Variants in TCEAL4 observed in about 807,000 individuals in gnomAD.
The protein encoded by TCEAL4 is transcription elongation factor A protein-like 4.
A neutral mutation model predicts 1.3 loss-of-function variants in TCEAL4; 1 was observed. The observed-to-expected ratio is 0.79, with a 90% CI of 0.28 to 3.76. The LOEUF is 3.76. Ranked by LOEUF, TCEAL4 falls within the 30% of genes most tolerant of loss-of-function variation. TCEAL4 has a pLI of 0.18. For missense variants in TCEAL4, 129 were observed against 154.7 expected (o/e 0.83, Z 0.88); for synonymous variants, 54 against 50.7 (o/e 1.06, Z -0.28).
At position 103,587,149 on chromosome X, in the gene TCEAL4, A is replaced by T; in HGVS notation, c.474A>T (p.Glu158Asp). 1 of 1,211,321 alleles carries T rather than the reference A, an allele frequency of 8.3e-7. No homozygotes were observed. The highest frequency in any genetic ancestry group is 1.1e-6 in the Non-Finnish European group (1 of 895,403). The change falls in exon 3 of 3, where the codon GAA becomes GAT. Residue 158 changes from glutamate to aspartate, a missense_variant. Glu to Asp is a conservative substitution (Grantham distance 45, BLOSUM62 2). Coordinates refer to ENST00000472484, the MANE Select transcript of TCEAL4 (RefSeq NM_001006935.3). The stretch of plus-strand genomic sequence containing the variant: ...TCAGCAATGAGGACATGATAAGAGA[A>T]TTTGACAATATGGCTAAGGTGCAGG... Reference protein sequence around the residue: ...MNFSNEDMIREFDNMAKVQDE... With the variant: ...MNFSNEDMIRDFDNMAKVQDE...
At chrX:103,578,718 C>T (rs1254436653) in intron 2 of TCEAL4, among the ~76,000 whole-genome samples, 1 of 111,640 alleles carries the variant, frequency 9.0e-6, no homozygotes, top group African/African-American at 3.2e-5. Flanking sequence ...TAAGTATTCT[C>T]TATGTATTAT....
upstream of TCEAL4, among the ~76,000 whole-genome samples, chrX:103,580,575 G>A (rs918913710): frequency 1.8e-5 from 2 of 110,899 alleles, no homozygotes; most frequent in African/African-American, 6.6e-5. Flanking sequence ...TCCCACCTCA[G>A]CCTCCCAAGT....
At chrX:103,585,450 A>G, upstream of TCEAL4, 12 of 1,076,575 alleles carry the variant, frequency 1.1e-5, no homozygotes, top group Non-Finnish European at 1.5e-5. Context: ...GGTGGCTGGA[A>G]GCGGCTGGCT....
rs187636747 is a variant in TCEAL4 at position 103,586,288 on chromosome X, G to T, written c.-31G>T. On this transcript the variant is annotated 5_prime_UTR_variant, in exon 2 of 3. Coordinates refer to ENST00000472484, the MANE Select transcript of TCEAL4 (RefSeq NM_001006935.3). ...GAGGAGCAACCTGTCCAGAATCCCC[G>T]CAGGTCCGTGAAAGTACGGGGCTGC... 6.3e-4 allele frequency: 734 copies of T among 1,165,259 alleles called. 5 individuals are homozygous for T. The East Asian group carries it at 0.02, about 32-fold the overall frequency.
At chrX:103,581,319 C>T (rs2073506991), upstream of TCEAL4, among the ~76,000 whole-genome samples, 1 of 111,362 alleles carries the variant, frequency 9.0e-6, no homozygotes, top group Admixed American at 9.5e-5. Context: ...GTACAAAGAA[C>T]AGCTGGGATA....
rs778993256 is a variant in TCEAL4 at position 103,587,025 on chromosome X, C to T, written c.350C>T (p.Pro117Leu). 2 of 1,208,597 alleles carry T rather than the reference C, an allele frequency of 1.7e-6. No homozygotes were observed. Among genetic ancestry groups the T allele is most frequent in the East Asian group, 3.0e-5 (1 of 33,688 alleles). ...GSETRAAGKR[P>L]AEDDVPRKAK... ...GAAACAAGGGCTGCAGGAAAGCGCC[C>T]AGCTGAGGATGATGTACCCAGGAAA... Residue 117 changes from proline to leucine, a missense_variant, in exon 3 of 3, where the codon CCA becomes CTA. Around this residue, in one of 2 missense-constraint regions of TCEAL4, gnomAD observed 116 missense variants for 120.3 expected, o/e 0.96. Transcript: ENST00000472484.
upstream of TCEAL4, chrX:103,585,402 C>T: frequency 3.2e-6 from 3 of 934,206 alleles, no homozygotes; most frequent in Non-Finnish European, 4.2e-6. Flanking sequence ...GACAAAAGGG[C>T]CCAGGGAGGT....
At chrX:103,586,034 C>G (rs2073541967) in intron 1 of TCEAL4, 185 bp from the exon 2 acceptor site, 1 of 1,080,814 alleles carries the variant, frequency 9.3e-7, no homozygotes, top group Non-Finnish European at 1.2e-6. Context: ...CACAGAGACC[C>G]AAAATTAGTT....
rs62621172 is a variant in TCEAL4, at chrX:103,586,652, A to T, written c.-24A>T. The T allele has an allele frequency of 5.8e-6, 7 of 1,204,655 alleles. No individual in the cohort carries two copies. The African/African-American group carries it at 1.1e-4, about 18-fold the overall frequency. On this transcript the variant is annotated 5_prime_UTR_variant, in exon 3 of 3. Transcript: ENST00000472484. ...TTCCTCCACCCCCATCCCCCAGGAC[A>T]GGAAAAGGAGGGGAAATCTCGACAT...
intron 2 of TCEAL4, among the ~76,000 whole-genome samples, chrX:103,577,781 A>G (rs2073490979): frequency 1.8e-5 from 2 of 112,102 alleles, no homozygotes; most frequent in South Asian, 7.4e-4. Flanking sequence ...TGCATATATA[A>G]TACTTTGAAA....
upstream of TCEAL4, among the ~76,000 whole-genome samples, chrX:103,583,434 T>C (rs1219131811): frequency 8.9e-6 from 1 of 111,750 alleles, no homozygotes; most frequent in African/African-American, 3.3e-5. Flanking sequence ...GCAGCACTAA[T>C]CACAATAGCA....
chrX:103,587,227 A>G lies in TCEAL4; in HGVS notation c.552A>G (p.Arg184=), dbSNP rs375153902. 5.5e-5 allele frequency: 67 copies of G among 1,208,966 alleles called. No homozygotes were observed. The African/African-American group carries it at 9.8e-4, about 18-fold the overall frequency. The change falls in exon 3 of 3, where the codon AGA becomes AGG. Residue 184 remains arginine (R), a synonymous_variant. Transcript: ENST00000472484. ...QKLGAFLWMQ[R]NLQDPFYPRG... is the part of the protein sequence containing the mutation. ...TGGGGGCGTTTTTGTGGATGCAAAG[A>G]AATTTACAGGACCCCTTCTACCCTA... is the stretch of plus-strand genomic sequence containing the variant.
At chrX:103,581,922 G>A (rs2073510124), upstream of TCEAL4, among the ~76,000 whole-genome samples, 2 of 111,364 alleles carry the variant, frequency 1.8e-5, no homozygotes, top group Non-Finnish European at 3.8e-5. Context: ...AAGAAATAAA[G>A]GGTATTCTAA....
At chrX:103,581,228 G>A (rs923320576), upstream of TCEAL4, among the ~76,000 whole-genome samples, 1 of 111,284 alleles carries the variant, frequency 9.0e-6, no homozygotes. Context: ...TGAAATTGAG[G>A]TAGTAATAAA....
At chrX:103,577,549 T>C (rs1041218560) in intron 2 of TCEAL4, among the ~76,000 whole-genome samples, 1 of 111,990 alleles carries the variant, frequency 8.9e-6, no homozygotes, top group African/African-American at 3.2e-5. Flanking sequence ...ACATTATATG[T>C]ATGTTTGATT....
At chrX:103,580,067 G>A (rs768094979) in intron 2 of TCEAL4, among the ~76,000 whole-genome samples, 3 of 111,756 alleles carry the variant, frequency 2.7e-5, no homozygotes, top group Admixed American at 1.9e-4. Context: ...GAAATAGCAC[G>A]CCAGATAAGA....
rs2073532302 is a variant in TCEAL4 at position 103,585,534 on chromosome X, C to T, written c.-191C>T. 2 of 1,152,602 alleles carry T rather than the reference C, an allele frequency of 1.7e-6. No individual in the cohort carries two copies. Among genetic ancestry groups the T allele is most frequent in the African/African-American group, 1.8e-5 (1 of 55,154 alleles). 95.0% of individuals were successfully genotyped at this position (1,152,602 alleles called of 1,213,427 possible). A position where few individuals can be genotyped will look rare whatever the true frequency, so the allele number is the denominator to read the frequency against. On this transcript the variant is annotated 5_prime_UTR_variant, in exon 1 of 3. Transcript: ENST00000472484. ...TGATCTGCACGGGCGCAGATGTAGGCACCGGTCCGAGTGCCTGCCCTCTGT... is the reference window on the plus strand; with the variant it reads ...TGATCTGCACGGGCGCAGATGTAGGTACCGGTCCGAGTGCCTGCCCTCTGT...
At chrX:103,585,099 CTT>C (rs966074828), upstream of TCEAL4, among the ~76,000 whole-genome samples, 3 of 112,251 alleles carry the variant, frequency 2.7e-5, no homozygotes, top group Non-Finnish European at 3.8e-5. Context: ...TCAAATATAA[CTT>C]TATTTTTTAT....
chrX:103,577,310 T>C, intron 2 of TCEAL4: 1 of 1,009,521 alleles, frequency 9.9e-7, no homozygotes, highest in Non-Finnish European at 1.3e-6. Flanking sequence ...CAATGGAGAA[T>C]TGATTAAATA....
Sources: allele counts gnomAD v4.1 joint callset (sites outside exome capture counted in the v4.1 genomes callset), GRCh38; gene constraint gnomAD v4.1.1; regional missense constraint gnomAD v4.1.1; transcripts MANE v1.5; gene names NCBI Gene and HGNC (gene_info 2026-07-23, HGNC 2026-07-21).